Variants in TMTC1 observed in about 807,000 individuals in gnomAD.
The protein encoded by TMTC1 is protein O-mannosyl-transferase TMTC1.
A neutral mutation model predicts 104.8 loss-of-function variants in TMTC1; 73 were observed. The observed-to-expected ratio is 0.70, with a 90% CI of 0.58 to 0.85. The LOEUF (loss-of-function observed/expected upper bound fraction) is 0.85, where lower values mean the gene tolerates loss of function less well. TMTC1 is among the 40% of genes least tolerant of loss of function. The pLI, the probability that TMTC1 is intolerant of heterozygous loss-of-function variation, is 0.00. For missense variants in TMTC1, 1,035 were observed against 1,096.1 expected (o/e 0.94, Z 0.79); for synonymous variants, 434 against 428.7 (o/e 1.01, Z -0.15).
At chr12:29,516,552 A>C (rs1044517028) in intron 14 of TMTC1, 66 bp from the exon 15 acceptor site, 32 of 1,520,994 alleles carry the variant, frequency 2.1e-5, no homozygotes, top group Non-Finnish European at 2.7e-5. Flanking sequence ...AGCATCCCTG[A>C]ATAGAAGCAT....
intron 1 of TMTC1, among the ~76,000 whole-genome samples, chr12:29,777,167 T>C (rs981550380): frequency 1.3e-5 from 2 of 152,072 alleles, no homozygotes; most frequent in African/African-American, 4.8e-5. Flanking sequence ...CAATCTCGGC[T>C]CACTGAAACC....
At chr12:29,617,538 G>GAC (rs1555176927) in intron 6 of TMTC1, among the ~76,000 whole-genome samples, 2 of 115,430 alleles carry the variant, frequency 1.7e-5, no homozygotes, top group Non-Finnish European at 3.1e-5. Flanking sequence ...ACAGACAACA[G>GAC]AGAGAGAGAG....
At chr12:29,527,768 T>C (rs1448829878) in intron 11 of TMTC1, among the ~76,000 whole-genome samples, 1 of 152,222 alleles carries the variant, frequency 6.6e-6, no homozygotes, top group African/African-American at 2.4e-5. Flanking sequence ...ACTTTCTTGC[T>C]CCTCCAAAAT....
intron 10 of TMTC1, among the ~76,000 whole-genome samples, chr12:29,539,452 CT>C (rs1259114132): frequency 1.3e-5 from 2 of 152,198 alleles, no homozygotes; most frequent in African/African-American, 4.8e-5. Flanking sequence ...ACGGGAAGAA[CT>C]TTTTCTAGAC....
chr12:29,654,683 G>C (rs1939672825), intron 5 of TMTC1, among the ~76,000 whole-genome samples: 1 of 149,622 alleles, frequency 6.7e-6, no homozygotes, highest in Non-Finnish European at 1.5e-5. Context: ...ATTCGTAATA[G>C]CCAAAAAGAG....
intron 7 of TMTC1, among the ~76,000 whole-genome samples, chr12:29,583,896 G>A (rs993273002): frequency 6.6e-6 from 1 of 152,146 alleles, no homozygotes; most frequent in Non-Finnish European, 1.5e-5. Flanking sequence ...GGTCCTGAAT[G>A]GCTCCTCTGA....
At chr12:29,770,128 T>C (rs1475640911) in intron 1 of TMTC1, among the ~76,000 whole-genome samples, 1 of 151,740 alleles carries the variant, frequency 6.6e-6, no homozygotes, top group Admixed American at 6.6e-5. Context: ...TCACAAATAA[T>C]AGCACCATTT....
intron 5 of TMTC1, chr12:29,640,757 G>A (rs1227359076): frequency 2.0e-5 from 3 of 152,318 alleles, no homozygotes; most frequent in Admixed American, 6.5e-5. Context: ...TTTGAACGGG[G>A]TGAGAAGCCT....
chr12:29,525,676 A>G (rs936455341), intron 11 of TMTC1, among the ~76,000 whole-genome samples: 2 of 152,114 alleles, frequency 1.3e-5, no homozygotes, highest in Non-Finnish European at 2.9e-5. Context: ...CAGACCAGAA[A>G]GTAAATGAGG....
chr12:29,514,849 C>T (rs566719126), intron 15 of TMTC1, among the ~76,000 whole-genome samples: 1 of 151,658 alleles, frequency 6.6e-6, no homozygotes, highest in Non-Finnish European at 1.5e-5. Context: ...CCTGTCTCTA[C>T]AAAAAAATAC....
intron 5 of TMTC1, among the ~76,000 whole-genome samples, chr12:29,720,406 C>G (rs933348884): frequency 1.3e-5 from 2 of 152,018 alleles, no homozygotes; most frequent in Non-Finnish European, 2.9e-5. Flanking sequence ...TCTTCTCACT[C>G]TATAATGTCT....
chr12:29,643,088 A>G (rs1591845928), intron 5 of TMTC1, among the ~76,000 whole-genome samples: 1 of 152,128 alleles, frequency 6.6e-6, no homozygotes, highest in African/African-American at 2.4e-5. Context: ...CAAAACCACA[A>G]TGTGATACCG....
chr12:29,576,033 T>C (rs1362291805), intron 8 of TMTC1, among the ~76,000 whole-genome samples: 2 of 152,178 alleles, frequency 1.3e-5, no homozygotes, highest in East Asian at 1.9e-4. Context: ...TGTTGACCAT[T>C]TGCTTGTCTT....
intron 5 of TMTC1, among the ~76,000 whole-genome samples, chr12:29,732,684 GT>G (rs1942576307): frequency 6.6e-6 from 1 of 152,104 alleles, no homozygotes; most frequent in Admixed American, 6.6e-5. Context: ...AAAAATTACA[GT>G]CTGCCCTATT....
At chr12:29,541,006 AAAAC>A (rs904863612) in intron 10 of TMTC1, among the ~76,000 whole-genome samples, 17 of 152,218 alleles carry the variant, frequency 1.1e-4, no homozygotes, top group Admixed American at 2.0e-4. Flanking sequence ...AAAAAAAATA[AAAAC>A]AAACAAACAA....
chr12:29,520,862 T>C (rs1230620389), intron 11 of TMTC1, 142 bp from the exon 12 acceptor site: 2 of 639,266 alleles, frequency 3.1e-6, no homozygotes, highest in Non-Finnish European at 5.3e-6. Context: ...GATAAGGCAC[T>C]ATGAACTTTG....
chr12:29,621,907 C>T (rs754375633), intron 6 of TMTC1, among the ~76,000 whole-genome samples: 5 of 152,112 alleles, frequency 3.3e-5, no homozygotes, highest in Admixed American at 1.3e-4. Context: ...TGTTGCTGGT[C>T]GTCACCTCTA....
intron 16 of TMTC1, 94 bp downstream of exon 16, chr12:29,514,388 T>C (rs1943924545): frequency 1.5e-6 from 2 of 1,318,846 alleles, no homozygotes; most frequent in East Asian, 4.7e-5. Flanking sequence ...ATGCCAGTGA[T>C]CTTAGATCTT....
At chr12:29,519,455 A>G (rs550721224) in intron 12 of TMTC1, 1 of 152,374 alleles carries the variant, frequency 6.6e-6, no homozygotes, top group South Asian at 2.1e-4. Context: ...TCTTCAAAGT[A>G]GCTTCCTGGT....
Sources: gnomAD v4.1 joint callset for allele counts (sites outside exome capture counted in the v4.1 genomes callset) on GRCh38, gnomAD v4.1.1 for gene constraint, MANE v1.5 for transcripts, NCBI Gene and HGNC (gene_info 2026-07-23, HGNC 2026-07-21) for gene names.